ZNF573: variants seen among roughly 807,000 people sequenced by gnomAD.
ZNF573 encodes the protein zinc finger protein 573.
ZNF573 carries 41 observed loss-of-function variants against 57.4 expected under a neutral mutation model. The ratio of observed to expected loss-of-function variants is 0.71; its 90% CI spans 0.56 to 0.93. ZNF573 has a LOEUF of 0.93. ZNF573 is among the 40% of genes least tolerant of loss of function. The pLI, the probability that ZNF573 is intolerant of heterozygous loss-of-function variation, is 0.00. For missense variants in ZNF573, 730 were observed against 794.8 expected, an observed-to-expected ratio of 0.92 and a Z score of 0.98; for synonymous variants, 249 against 261.0, an observed-to-expected ratio of 0.95 and a Z score of 0.44.
intron 4 of ZNF573, among the ~76,000 whole-genome samples, chr19:37,768,957 C>A (rs1349434234): frequency 1.3e-5 from 2 of 151,068 alleles, no homozygotes; most frequent in Non-Finnish European, 2.9e-5. Flanking sequence ...TGAGCCGCTG[C>A]GCCCGGCCTA....
chr19:37,757,275 C>A (rs974784431), intron 4 of ZNF573, among the ~76,000 whole-genome samples: 1 of 152,104 alleles, frequency 6.6e-6, no homozygotes, highest in Non-Finnish European at 1.5e-5. Flanking sequence ...TGGCTCACTG[C>A]GACCTCCACC....
chr19:37,757,942 A>C (rs546634617), intron 4 of ZNF573, among the ~76,000 whole-genome samples: 20 of 151,934 alleles, frequency 1.3e-4, no homozygotes, highest in Non-Finnish European at 2.5e-4. Flanking sequence ...TATCGCAAGG[A>C]CAAAAAAACC....
In ZNF573 at chr19:37,771,658, G is replaced by A. The variant is rs759026412; in HGVS notation, c.108C>T (p.Asp36=). 1.9e-6 allele frequency: 3 copies of A among 1,600,712 alleles called. No individual in the cohort carries two copies. The highest frequency in any genetic ancestry group is 2.3e-5 in the South Asian group (2 of 88,690). The change falls in exon 3 of 5, where the codon GAC becomes GAT. Residue 36 remains aspartate (D), a synonymous_variant. Coordinates refer to ENST00000536220, the MANE Select transcript of ZNF573 (RefSeq NM_001172690.2). ...ELVTFRDVAI[D]FSRQEWEYLD... is the part of the protein sequence containing the mutation. ...GGTATTCCCACTCCTGCCGAGAGAA[G>A]TCTATGGCCACATCCCTGAATGTCA... is the stretch of plus-strand genomic sequence containing the variant.
At chr19:37,771,336 A>G (rs1431719174) in intron 3 of ZNF573, among the ~76,000 whole-genome samples, 2 of 152,134 alleles carry the variant, frequency 1.3e-5, no homozygotes, top group Admixed American at 1.3e-4. Flanking sequence ...TATTAAGGAA[A>G]GGAGGCAATC....
chr19:37,778,798 T>A (rs1172356603), intron 1 of ZNF573, among the ~76,000 whole-genome samples: 2 of 152,058 alleles, frequency 1.3e-5, no homozygotes, highest in Non-Finnish European at 2.9e-5. Flanking sequence ...CACAATACCC[T>A]CCACGCCTTC....
rs1187626090 is a variant in ZNF573 at position 37,758,203 on chromosome 19, ATATATATATATATATATATATATATATAT to A, written c.295+11773_295+11801del. ...ACCCTAGAACTTAAAGTATAATAAA[ATATATATATATATATATATATATATATAT>A]ATATATATATATATATATATATATA... is the stretch of plus-strand genomic sequence containing the variant. On this transcript the variant is annotated intron_variant, in intron 4 of 4. Transcript: ENST00000536220. 3.1e-3 allele frequency among the ~76,000 whole-genome samples: 162 copies of A among 51,978 alleles called. 7 individuals carry two copies. The highest frequency in any genetic ancestry group is 0.011 in the Middle Eastern group (1 of 92). 34.1% of individuals were successfully genotyped at this position (51,978 alleles called of 152,430 possible).
intron 3 of ZNF573, among the ~76,000 whole-genome samples, chr19:37,770,873 T>TATATATATATATATATATATATATATATA (rs1599707908): frequency 3.1e-5 from 4 of 129,774 alleles, no homozygotes; most frequent in African/African-American, 6.1e-5. Context: ...TATATATATA[T>TATATATATATATATATATATATATATATA]TCCCCCTCCC....
At chr19:37,773,624 T>A (rs1158730701) in intron 2 of ZNF573, 37 bp downstream of exon 2, 1 of 1,490,846 alleles carries the variant, frequency 6.7e-7, no homozygotes, top group South Asian at 1.2e-5. Flanking sequence ...TAACCTATGA[T>A]CATGATATTG....
chr19:37,775,508 C>G (rs1171073547), intron 1 of ZNF573, among the ~76,000 whole-genome samples: 1 of 152,170 alleles, frequency 6.6e-6, no homozygotes, highest in African/African-American at 2.4e-5. Flanking sequence ...TCACTATACA[C>G]TGACTTACCC....
In ZNF573 at chr19:37,740,171, T is replaced by C. The variant is rs1568414980; in HGVS notation, c.319A>G (p.Ile107Val). Residue 107 changes from isoleucine (I) to valine (V), a missense_variant, in exon 5 of 5, where the codon ATC (isoleucine) becomes GTC (valine). Transcript: ENST00000536220. ...TAAGTGGGTACTTCTATGTAGCTGA[T>C]TATCTCACACTGTAAATCCAAATCT... ...FTDLDLQCEIISYIEVPTYET... is the reference protein window; with the variant it reads ...FTDLDLQCEIVSYIEVPTYET... The C allele has an allele frequency of 6.3e-7, 1 of 1,589,070 alleles. No individual in the cohort carries two copies. Among genetic ancestry groups the C allele is most frequent in the Non-Finnish European group, 8.6e-7 (1 of 1,167,208 alleles).
In ZNF573 at chr19:37,739,052, T is replaced by C. The variant is rs1172646223; in HGVS notation, c.1438A>G (p.Ser480Gly). 2 of 1,613,240 alleles carry C rather than the reference T, an allele frequency of 1.2e-6. No individual in the cohort carries two copies. Among genetic ancestry groups the C allele is most frequent in the African/African-American group, 1.3e-5 (1 of 74,872 alleles). The change falls in exon 5 of 5, where the codon AGT becomes GGT. Residue 480 changes from serine to glycine, a missense_variant. By Grantham distance (56) the Ser-to-Gly change is moderately conservative. Coordinates refer to ENST00000536220, the MANE Select transcript of ZNF573 (RefSeq NM_001172690.2). ...TGTTGAATAAGGTTTGAGCCAGTAC[T>C]ATAGGCCTTCCCACATTCCTGACAT... is the stretch of plus-strand genomic sequence containing the variant. The part of the protein sequence containing the change: ...FECQECGKAY[S>G]TGSNLIQHRK...
chr19:37,749,958 T>C (rs1353797150), intron 4 of ZNF573, among the ~76,000 whole-genome samples: 1 of 152,264 alleles, frequency 6.6e-6, no homozygotes, highest in African/African-American at 2.4e-5. Flanking sequence ...AAAAGCACAA[T>C]GGAAACTGAA....
At chr19:37,770,860 A>ATATATATATATG (rs2045651984) in intron 3 of ZNF573, among the ~76,000 whole-genome samples, 1 of 101,084 alleles carries the variant, frequency 9.9e-6, no homozygotes, top group East Asian at 2.8e-4. Context: ...ATATATATAT[A>ATATATATATATG]TATATATATA....
chr19:37,765,028 C>T (rs1028072859), intron 4 of ZNF573, among the ~76,000 whole-genome samples: 1 of 151,816 alleles, frequency 6.6e-6, no homozygotes, highest in Non-Finnish European at 1.5e-5. Context: ...GCATCAGCCT[C>T]CCCAGTAGCT....
intron 4 of ZNF573, among the ~76,000 whole-genome samples, chr19:37,746,955 C>T (rs1193746400): frequency 6.6e-6 from 1 of 152,080 alleles, no homozygotes; most frequent in South Asian, 2.1e-4. Flanking sequence ...GATTCCAGGA[C>T]CACGGGAGGG....
chr19:37,747,645 C>T (rs2045393893), intron 4 of ZNF573, among the ~76,000 whole-genome samples: 1 of 152,016 alleles, frequency 6.6e-6, no homozygotes, highest in Non-Finnish European at 1.5e-5. Flanking sequence ...GTTAATATCA[C>T]CAGTGATGTC....
chr19:37,753,253 G>T (rs934937065), intron 4 of ZNF573, among the ~76,000 whole-genome samples: 9 of 151,880 alleles, frequency 5.9e-5, no homozygotes, highest in Non-Finnish European at 1.2e-4. Flanking sequence ...TACAATGTAG[G>T]TGTATATATT....
In ZNF573 at chr19:37,771,685, T is replaced by C. The variant is rs1380989802; in HGVS notation, c.81A>G (p.Leu27=). ...CTATGGCCACATCCCTGAATGTCAC[T>C]AATTCCTGAAACTGCAAACCCATGC... is the stretch of plus-strand genomic sequence containing the variant. ...NSKTMTCFQE[L]VTFRDVAIDF... The change falls in exon 3 of 5, where the codon TTA becomes TTG. Residue 27 remains leucine (L), a synonymous_variant. Transcript: ENST00000536220. The C allele has an allele frequency of 1.3e-6, 2 of 1,591,774 alleles. No individual in the cohort carries two copies. Among genetic ancestry groups the C allele is most frequent in the Non-Finnish European group, 1.7e-6 (2 of 1,173,784 alleles).
chr19:37,739,641 A>C lies in ZNF573; in HGVS notation c.849T>G (p.Phe283Leu), dbSNP rs1244195840. 1 of 1,613,988 alleles carries C rather than the reference A, an allele frequency of 6.2e-7. No individual in the cohort carries two copies. Among genetic ancestry groups the C allele is most frequent in the African/African-American group, 1.3e-5 (1 of 74,908 alleles). The change falls in exon 5 of 5, where the codon TTT becomes TTG. Residue 283 changes from phenylalanine (F) to leucine (L), a missense_variant. Physicochemically the swap from Phe to Leu is conservative, Grantham distance 22 (BLOSUM62 0). Coordinates refer to ENST00000536220, the MANE Select transcript of ZNF573 (RefSeq NM_001172690.2). ...GTTCAACAAGATTTGAGCGCCTACT[A>C]AAAGTCTTCCCACATTCCTTACATT... ...PYKCKECGKT[F>L]SRRSNLVEHG... is the part of the protein sequence containing the mutation.
Sources: gnomAD v4.1 joint callset for allele counts (sites outside exome capture counted in the v4.1 genomes callset) on GRCh38, gnomAD v4.1.1 for gene constraint, MANE v1.5 for transcripts, NCBI Gene and HGNC (gene_info 2026-07-23, HGNC 2026-07-21) for gene names.